VOPP1: variants seen among roughly 807,000 people sequenced by gnomAD.
VOPP1 encodes WW domain binding protein VOPP1.
VOPP1 carries 8 observed loss-of-function variants against 23.5 expected under a neutral mutation model. The ratio of observed to expected loss-of-function variants is 0.34; its 90% CI spans 0.20 to 0.61. The LOEUF is 0.61. Ranked by LOEUF, VOPP1 falls within the 20% of genes least tolerant of loss-of-function variation. VOPP1 has a pLI of 0.78. For missense variants in VOPP1, 174 were observed against 238.1 expected (o/e 0.73, Z 1.77); for synonymous variants, 83 against 97.3 (o/e 0.85, Z 0.86).
chr7:55,448,432 G>C (rs377242657), intron 4 of VOPP1, among the ~76,000 whole-genome samples: 47 of 152,312 alleles, frequency 3.1e-4, no homozygotes, highest in Non-Finnish European at 5.3e-4. Context: ...TTCTGAAGTG[G>C]GATGGGCGTA....
rs71031859 is a variant in VOPP1 at position 55,482,482 on chromosome 7, A to AT, written c.329-9438dup. ...AGGCACCCACCACCACACCTGGCTA[A>AT]TTTTTTTTTTTTTTTTTTTTTTGTA... is the stretch of plus-strand genomic sequence containing the variant. On this transcript the variant is annotated intron_variant, in intron 4 of 4. Transcript: ENST00000285279. Among the ~76,000 whole-genome samples, 1,002 of 132,764 alleles carry AT rather than the reference A, an allele frequency of 7.5e-3. 5 individuals carry two copies. The highest frequency in any genetic ancestry group is 0.013 in the African/African-American group (455 of 33,972). The allele number at this position is 132,764 out of a possible 152,430, so 87.1% of individuals were successfully genotyped here.
At chr7:55,462,989 A>G (rs192214548) in intron 4 of VOPP1, among the ~76,000 whole-genome samples, 19 of 152,106 alleles carry the variant, frequency 1.2e-4, no homozygotes, top group Admixed American at 4.6e-4. Flanking sequence ...TATGATATCT[A>G]TCTCTGTTGA....
intron 1 of VOPP1, among the ~76,000 whole-genome samples, chr7:55,539,324 G>A (rs373622296): frequency 3.9e-5 from 6 of 152,158 alleles, no homozygotes; most frequent in East Asian, 1.9e-4. Context: ...CAGCCTGGGC[G>A]ACATGAGCGA....
intron 4 of VOPP1, among the ~76,000 whole-genome samples, chr7:55,451,296 G>A (rs897729636): frequency 1.3e-5 from 2 of 152,102 alleles, no homozygotes; most frequent in East Asian, 1.9e-4. Context: ...CAAAAGAAAC[G>A]CCTGAAGTAC....
chr7:55,510,048 CA>C (rs1794974942), intron 2 of VOPP1, among the ~76,000 whole-genome samples: 1 of 152,038 alleles, frequency 6.6e-6, no homozygotes, highest in Non-Finnish European at 1.5e-5. Flanking sequence ...TCTTGTGGCC[CA>C]ATAATAAGAT....
At chr7:55,524,979 T>C (rs1796082880) in intron 1 of VOPP1, among the ~76,000 whole-genome samples, 1 of 151,870 alleles carries the variant, frequency 6.6e-6, no homozygotes, top group Non-Finnish European at 1.5e-5. Context: ...GTACTCCCAA[T>C]CACCAGCAGG....
At chr7:55,516,113 T>C (rs954890020) in intron 2 of VOPP1, 2 of 666,766 alleles carry the variant, frequency 3.0e-6, no homozygotes, top group Non-Finnish European at 3.7e-6. Flanking sequence ...TTAAATCACA[T>C]GTTACTAAGA....
intron 1 of VOPP1, among the ~76,000 whole-genome samples, chr7:55,559,960 C>T (rs1249768562): frequency 6.6e-6 from 1 of 152,244 alleles, no homozygotes; most frequent in Non-Finnish European, 1.5e-5. Context: ...CCAGACCAGC[C>T]TGGCCAACAT....
chr7:55,540,741 G>A (rs1797096966), intron 1 of VOPP1, among the ~76,000 whole-genome samples: 3 of 152,310 alleles, frequency 2.0e-5, no homozygotes, highest in South Asian at 2.1e-4. Context: ...CTTCACCTCC[G>A]CTGCGGCCTC....
At chr7:55,480,999 CAG>C (rs1792665892) in intron 4 of VOPP1, among the ~76,000 whole-genome samples, 2 of 152,148 alleles carry the variant, frequency 1.3e-5, no homozygotes, top group Non-Finnish European at 2.9e-5. Context: ...GAAAAGCCAA[CAG>C]GGGAGGGGGA....
intron 1 of VOPP1, among the ~76,000 whole-genome samples, chr7:55,548,215 A>G (rs533733940): frequency 7.2e-5 from 11 of 152,354 alleles, no homozygotes; most frequent in African/African-American, 2.4e-4. Context: ...TAAATTTCAC[A>G]CATAATGTTT....
chr7:55,560,221 AT>A (rs1298135332), intron 1 of VOPP1, among the ~76,000 whole-genome samples: 2 of 151,962 alleles, frequency 1.3e-5, no homozygotes, highest in East Asian at 1.9e-4. Context: ...TTTAAGCAAC[AT>A]TTTTTTTCAA....
At chr7:55,532,709 T>C (rs1330309204) in intron 1 of VOPP1, among the ~76,000 whole-genome samples, 3 of 152,174 alleles carry the variant, frequency 2.0e-5, no homozygotes, top group Admixed American at 1.3e-4. Flanking sequence ...CCCCTTTCCA[T>C]GGAAGTTTTC....
intron 4 of VOPP1, among the ~76,000 whole-genome samples, chr7:55,477,175 CT>C (rs1792321169): frequency 2.0e-5 from 3 of 152,362 alleles, no homozygotes; most frequent in Middle Eastern, 3.4e-3. Context: ...GCAGGCACCC[CT>C]GTCCTCTGGT....
At position 55,501,966 on chromosome 7, in the gene VOPP1, A is replaced by C. The variant is rs117425775; in HGVS notation, c.114-4276T>G. Among the ~76,000 whole-genome samples the C allele has an allele frequency of 1.2e-4, 19 of 152,348 alleles. No homozygotes were observed. The East Asian group carries it at 3.5e-3, about 28-fold the overall frequency. On this transcript the variant is annotated intron_variant, in intron 2 of 4. Transcript: ENST00000285279. The stretch of plus-strand genomic sequence containing the variant: ...CACAGCCAATGCTTAAGAGGTATTA[A>C]TACTTGGGTCCCTCCAATGCTGGCA...
At chr7:55,519,854 G>A (rs148148791) in intron 2 of VOPP1, among the ~76,000 whole-genome samples, 1,679 of 152,312 alleles carry the variant, frequency 0.011, 11 homozygotes, top group Middle Eastern at 0.02. Context: ...GAGGCTGGGC[G>A]AGGTGACTCA....
intron 1 of VOPP1, among the ~76,000 whole-genome samples, chr7:55,561,347 A>G (rs975075885): frequency 2.0e-5 from 3 of 152,040 alleles, no homozygotes; most frequent in Non-Finnish European, 2.9e-5. Context: ...CAAGCTCCCA[A>G]GCCCATCCCC....
chr7:55,547,977 C>A (rs1797439986), intron 1 of VOPP1, among the ~76,000 whole-genome samples: 1 of 152,136 alleles, frequency 6.6e-6, no homozygotes. Flanking sequence ...CTGTTTGATT[C>A]CCCTCCAAGG....
In VOPP1 at chr7:55,560,817, T is replaced by G. The variant is rs144838082; in HGVS notation, c.54+11454A>C. ...ACCTCACTCCCATGTCAACCTCTAC[T>G]TTTTTACCAAATGCCTTGTTCATTT... is the stretch of plus-strand genomic sequence containing the variant. On this transcript the variant is annotated intron_variant, in intron 1 of 4. Coordinates refer to ENST00000285279, the MANE Select transcript of VOPP1 (RefSeq NM_030796.5). Among the ~76,000 whole-genome samples, 26 of 152,288 alleles carry G rather than the reference T, an allele frequency of 1.7e-4. 1 individual carries two copies. In the East Asian group the frequency reaches 5.0e-3, roughly 29 times the overall value.
Sources: gnomAD v4.1 joint callset for allele counts (sites outside exome capture counted in the v4.1 genomes callset) on GRCh38, gnomAD v4.1.1 for gene constraint, MANE v1.5 for transcripts, NCBI Gene and HGNC (gene_info 2026-07-23, HGNC 2026-07-21) for gene names.